SPECC1: variants seen among roughly 807,000 people sequenced by gnomAD.
SPECC1 encodes sperm antigen with calponin homology and coiled-coil domains 1.
A neutral mutation model predicts 104.1 loss-of-function variants in SPECC1; 62 were observed. That is an observed-to-expected ratio of 0.60 (90% CI 0.49 to 0.74). The LOEUF (loss-of-function observed/expected upper bound fraction) is 0.74, where lower values mean the gene tolerates loss of function less well. SPECC1 is among the 30% of genes least tolerant of loss of function. SPECC1 has a pLI of 0.00. For synonymous variants in SPECC1, 513 were observed against 501.6 expected, an observed-to-expected ratio of 1.02 and a Z score of -0.30; for missense variants, 1,306 against 1,310.5, an observed-to-expected ratio of 1.00 and a Z score of 0.05.
intron 12 of SPECC1, among the ~76,000 whole-genome samples, chr17:20,276,811 C>T (rs2040590569): frequency 1.3e-5 from 2 of 152,224 alleles, no homozygotes; most frequent in Non-Finnish European, 2.9e-5. Flanking sequence ...GAGCCGGCTG[C>T]ATTAGTGAGA....
At chr17:20,227,222 A>G (rs1355400634) in intron 4 of SPECC1, among the ~76,000 whole-genome samples, 191 bp from the exon 5 acceptor site, 1 of 152,180 alleles carries the variant, frequency 6.6e-6, no homozygotes, top group African/African-American at 2.4e-5. Context: ...CGTCTTTGCT[A>G]CTATGTCCGT....
Position 20,257,554 on chromosome 17 carries a change from C to T in SPECC1, c.2784C>T (p.Asp928=), listed in dbSNP as rs761894412. 1.9e-6 allele frequency: 3 copies of T among 1,613,500 alleles called. No individual in the cohort carries two copies. Among genetic ancestry groups the T allele is most frequent in the Non-Finnish European group, 2.5e-6 (3 of 1,179,878 alleles). The change falls in exon 11 of 15, where the codon GAC becomes GAT. Residue 928 remains aspartate, a synonymous_variant. Transcript: ENST00000395527. ...LSRPPSLGFG[D]TRLLSASTRA... ...GACCCCCGTCTCTGGGCTTTGGGGA[C>T]ACAAGACTGCTGAGTGCTTCCACCC...
intron 12 of SPECC1, among the ~76,000 whole-genome samples, chr17:20,293,237 G>A (rs373204848): frequency 2.6e-5 from 4 of 151,212 alleles, no homozygotes; most frequent in African/African-American, 9.7e-5. Flanking sequence ...TTTGCTTCCA[G>A]AACCCTAAGG....
chr17:20,030,291 T>C (rs994389533), intron 1 of SPECC1, among the ~76,000 whole-genome samples: 5 of 152,180 alleles, frequency 3.3e-5, no homozygotes, highest in African/African-American at 4.8e-5. Flanking sequence ...AATTTAATTC[T>C]AGTTAGATAC....
At position 20,204,532 on chromosome 17, in the gene SPECC1, A is replaced by T; in HGVS notation, c.483A>T (p.Gly161=). ...STKPKQENEG[G]EKAALESQVR... ...AGCCCAAGCAAGAGAATGAAGGTGG[A>T]GAAAAGGCTGCGCTTGAGTCCCAAG... is the stretch of plus-strand genomic sequence containing the variant. Residue 161 remains glycine, a synonymous_variant, in exon 4 of 15, where the codon GGA becomes GGT. Transcript: ENST00000395527. 1.2e-6 allele frequency: 2 copies of T among 1,614,170 alleles called. No homozygotes were observed. Among genetic ancestry groups the T allele is most frequent in the Non-Finnish European group, 1.7e-6 (2 of 1,180,038 alleles).
intron 12 of SPECC1, among the ~76,000 whole-genome samples, chr17:20,284,072 A>G (rs1011713193): frequency 6.6e-5 from 10 of 151,830 alleles, no homozygotes; most frequent in African/African-American, 2.4e-4. Flanking sequence ...ATTCTTCTAT[A>G]TTTTTCTTTT....
At chr17:20,107,029 C>T (rs1238931593) in intron 2 of SPECC1, among the ~76,000 whole-genome samples, 6 of 150,878 alleles carry the variant, frequency 4.0e-5, no homozygotes, top group South Asian at 2.1e-4. Context: ...TGGAGGCACA[C>T]GCCTGTAGCC....
chr17:20,105,884 T>A (rs1295647731), intron 2 of SPECC1, among the ~76,000 whole-genome samples: 1 of 152,160 alleles, frequency 6.6e-6, no homozygotes, highest in Non-Finnish European at 1.5e-5. Flanking sequence ...GGATGGAGGC[T>A]GTGGTGGGAT....
intron 1 of SPECC1, among the ~76,000 whole-genome samples, chr17:20,013,887 T>A (rs1464160283): frequency 6.6e-6 from 1 of 152,178 alleles, no homozygotes; most frequent in Non-Finnish European, 1.5e-5. Context: ...TGGCAGTTGG[T>A]TGTTTGCATT....
Position 20,111,724 on chromosome 17 carries a change from A to G in SPECC1, c.283+1162A>G, listed in dbSNP as rs2048501752. On this transcript the variant is annotated intron_variant, in intron 3 of 14. Transcript: ENST00000395527. The stretch of plus-strand genomic sequence containing the variant: ...AAGGTGGCGAAAGGAGGCGAATCCC[A>G]GTGGGTGGAGGGAGGGGAAAGGCGG... 6.4e-6 allele frequency: 4 copies of G among 624,812 alleles called. No homozygotes were observed. In the Admixed American group the frequency reaches 9.2e-5, roughly 14 times the overall value. 38.7% of individuals were successfully genotyped at this position (624,812 alleles called of 1,614,324 possible). A position where few individuals can be genotyped will look rare whatever the true frequency, so the allele number is the denominator to read the frequency against.
At chr17:20,149,600 A>G (rs2031797686) in intron 3 of SPECC1, among the ~76,000 whole-genome samples, 3 of 152,172 alleles carry the variant, frequency 2.0e-5, no homozygotes, top group Admixed American at 2.0e-4. Flanking sequence ...GCTTGCACCT[A>G]GTTTCCTCTG....
chr17:20,302,103 G>C (rs2041606453), intron 13 of SPECC1, among the ~76,000 whole-genome samples: 1 of 152,224 alleles, frequency 6.6e-6, no homozygotes, highest in South Asian at 2.1e-4. Flanking sequence ...GTAGTGGACT[G>C]GACCTTGCTT....
At chr17:20,287,736 A>G (rs536943782) in intron 12 of SPECC1, among the ~76,000 whole-genome samples, 1 of 149,170 alleles carries the variant, frequency 6.7e-6, no homozygotes, top group African/African-American at 2.5e-5. Context: ...AGTAAGGCCT[A>G]AGTACACATA....
At chr17:20,045,577 C>T (rs962756599) in intron 1 of SPECC1, among the ~76,000 whole-genome samples, 1 of 152,194 alleles carries the variant, frequency 6.6e-6, no homozygotes, top group Admixed American at 6.5e-5. Flanking sequence ...CTGAGTTTCT[C>T]TCTCACATAT....
At chr17:20,039,441 C>A (rs2152451935) in intron 1 of SPECC1, among the ~76,000 whole-genome samples, 1 of 152,196 alleles carries the variant, frequency 6.6e-6, no homozygotes, top group South Asian at 2.1e-4. Flanking sequence ...ATTTTCTTTT[C>A]TCTGAAGTCT....
chr17:20,195,581 G>A (rs980190489), intron 3 of SPECC1, among the ~76,000 whole-genome samples: 19 of 149,202 alleles, frequency 1.3e-4, no homozygotes, highest in Non-Finnish European at 1.8e-4. Flanking sequence ...TTTTTGAGAC[G>A]GAGTCTTGCT....
At chr17:20,090,956 C>A (rs1318645214) in intron 1 of SPECC1, among the ~76,000 whole-genome samples, 1 of 152,154 alleles carries the variant, frequency 6.6e-6, no homozygotes, top group Non-Finnish European at 1.5e-5. Flanking sequence ...ACACCCTATT[C>A]TTTATGGGTC....
intron 3 of SPECC1, among the ~76,000 whole-genome samples, chr17:20,160,751 A>C (rs1216465367): frequency 6.6e-6 from 1 of 152,188 alleles, no homozygotes; most frequent in Non-Finnish European, 1.5e-5. Context: ...CTACAATTCT[A>C]CATGATATAC....
chr17:20,174,050 A>G (rs187743709), intron 3 of SPECC1, among the ~76,000 whole-genome samples: 19 of 151,594 alleles, frequency 1.3e-4, no homozygotes, highest in African/African-American at 4.4e-4. Context: ...CTCCTGCTCA[A>G]CCTCCCAAGT....
Sources: allele counts gnomAD v4.1 joint callset (sites outside exome capture counted in the v4.1 genomes callset), GRCh38; gene constraint gnomAD v4.1.1; transcripts MANE v1.5; gene names NCBI Gene and HGNC (gene_info 2026-07-23, HGNC 2026-07-21).